The following ADGRG6 variants were observed in gnomAD, a reference collection of about 807,000 sequenced individuals.
ADGRG6 encodes G-protein coupled receptor 126.
A neutral mutation model predicts 142.4 loss-of-function variants in ADGRG6; 84 were observed. The ratio of observed to expected loss-of-function variants is 0.59; its 90% CI spans 0.49 to 0.71. The LOEUF is 0.71. Ranked by LOEUF, ADGRG6 falls within the 30% of genes least tolerant of loss-of-function variation. The probability of loss-of-function intolerance (pLI) is 0.00; values close to 1 mark genes in which losing one functional copy is unlikely to be tolerated. For missense variants in ADGRG6, 1,367 were observed against 1,466.6 expected (o/e 0.93, Z 1.11); for synonymous variants, 521 against 520.5 (o/e 1.00, Z -0.01).
At chr6:142,318,212 A>ATATTATATATATT (rs1416615266) in intron 2 of ADGRG6, among the ~76,000 whole-genome samples, 1 of 34,980 alleles carries the variant, frequency 2.9e-5, no homozygotes, top group East Asian at 8.8e-4. Context: ...ATATATATTT[A>ATATTATATATATT]TATATTATAT....
At chr6:142,366,789 T>G (rs1341037853) in intron 2 of ADGRG6, among the ~76,000 whole-genome samples, 1 of 151,918 alleles carries the variant, frequency 6.6e-6, no homozygotes, top group African/African-American at 2.4e-5. Context: ...TAGAGAGATT[T>G]TGTCTTTGCT....
intron 3 of ADGRG6, 60 bp downstream of exon 3, chr6:142,367,970 C>T (rs1781035872): frequency 1.1e-6 from 1 of 898,216 alleles, no homozygotes; most frequent in Non-Finnish European, 1.8e-6. Flanking sequence ...CTGCAGTAAA[C>T]ACAAGGACCA....
intron 1 of ADGRG6, among the ~76,000 whole-genome samples, chr6:142,306,290 A>G (rs910912454): frequency 1.3e-5 from 2 of 152,230 alleles, no homozygotes; most frequent in Non-Finnish European, 2.9e-5. Context: ...AATGCCTACA[A>G]GGAATCATAT....
intron 22 of ADGRG6, among the ~76,000 whole-genome samples, chr6:142,430,330 G>A (rs1200199187): frequency 6.6e-6 from 1 of 152,138 alleles, no homozygotes; most frequent in Non-Finnish European, 1.5e-5. Flanking sequence ...GAGGACCCAA[G>A]GTTGTCTGTT....
Position 142,403,753 on chromosome 6 carries a change from T to C in ADGRG6, c.1956-49T>C, listed in dbSNP as rs777973890. 4.3e-6 allele frequency: 5 copies of C among 1,165,604 alleles called. No individual in the cohort carries two copies. In the South Asian group the frequency reaches 7.5e-5, roughly 17 times the overall value. 72.2% of individuals were successfully genotyped at this position (1,165,604 alleles called of 1,614,324 possible). A position where few individuals can be genotyped will look rare whatever the true frequency, so the allele number is the denominator to read the frequency against. On this transcript the variant is annotated intron_variant, in intron 13 of 24. Coordinates refer to ENST00000367609, the MANE Select transcript of ADGRG6 (RefSeq NM_198569.3). ...GCAGCAAAACATGTATGTTTAAGAATCTAAAATATCATATTACTTAATAGT... is the reference window on the plus strand; with the variant it reads ...GCAGCAAAACATGTATGTTTAAGAACCTAAAATATCATATTACTTAATAGT...
Position 142,402,211 on chromosome 6 carries a change from T to C in ADGRG6, c.1744+153T>C, listed in dbSNP as rs1167318762. ...TGTTTCACTTAAGACAGAAAATACT[T>C]TTTACTCTCATTTTAACTTTCTGTT... is the stretch of plus-strand genomic sequence containing the variant. On this transcript the variant is annotated intron_variant, in intron 12 of 24. Transcript: ENST00000367609. Among the ~76,000 whole-genome samples the C allele has an allele frequency of 2.0e-5, 3 of 152,132 alleles. No individual in the cohort carries two copies. The East Asian group carries it at 5.8e-4, about 29-fold the overall frequency.
At chr6:142,430,252 C>T (rs1318210414) in intron 22 of ADGRG6, among the ~76,000 whole-genome samples, 1 of 152,044 alleles carries the variant, frequency 6.6e-6, no homozygotes, top group Non-Finnish European at 1.5e-5. Flanking sequence ...GAATATTTAT[C>T]CAGTTTATTG....
At chr6:142,362,051 T>C (rs988747406) in intron 2 of ADGRG6, among the ~76,000 whole-genome samples, 7 of 152,302 alleles carry the variant, frequency 4.6e-5, no homozygotes, top group Middle Eastern at 3.4e-3. Context: ...CTTGCCAACA[T>C]GATTATGGAA....
intron 24 of ADGRG6, among the ~76,000 whole-genome samples, chr6:142,439,897 T>G (rs1704974668): frequency 6.6e-6 from 1 of 152,220 alleles, no homozygotes; most frequent in South Asian, 2.1e-4. Context: ...ACAAAATATT[T>G]TTGCTTATAA....
chr6:142,366,375 A>T (rs1303735642), intron 2 of ADGRG6, among the ~76,000 whole-genome samples: 1 of 152,058 alleles, frequency 6.6e-6, no homozygotes, highest in Admixed American at 6.6e-5. Context: ...ATGGGTCTTA[A>T]TTTTTCCATT....
chr6:142,323,744 A>T (rs9403379), intron 2 of ADGRG6, among the ~76,000 whole-genome samples: 10,944 of 152,138 alleles, frequency 0.072, 565 homozygotes, highest in East Asian at 0.25. Context: ...GAATTGTAAC[A>T]TAATGGTAAG....
At chr6:142,314,188 G>A (rs927263112) in intron 2 of ADGRG6, among the ~76,000 whole-genome samples, 2 of 152,090 alleles carry the variant, frequency 1.3e-5, no homozygotes, top group East Asian at 1.9e-4. Flanking sequence ...GCCTGAATTC[G>A]ATGTTGTTCA....
intron 2 of ADGRG6, among the ~76,000 whole-genome samples, chr6:142,322,325 G>A (rs1778557602): frequency 6.6e-6 from 1 of 151,930 alleles, no homozygotes; most frequent in African/African-American, 2.4e-5. Flanking sequence ...CCTTGAGCTG[G>A]GACAGTTGAG....
chr6:142,316,325 G>T (rs1022223490), intron 2 of ADGRG6, among the ~76,000 whole-genome samples: 13 of 152,126 alleles, frequency 8.5e-5, no homozygotes, highest in Non-Finnish European at 1.3e-4. Context: ...AAGATGGATT[G>T]TGTCAACCAT....
At chr6:142,357,603 T>C (rs937625778) in intron 2 of ADGRG6, among the ~76,000 whole-genome samples, 12 of 152,188 alleles carry the variant, frequency 7.9e-5, no homozygotes, top group Non-Finnish European at 1.3e-4. Context: ...AATGAGTTTT[T>C]TTTATGCCCT....
intron 7 of ADGRG6, among the ~76,000 whole-genome samples, chr6:142,391,805 G>A (rs979886461): frequency 6.6e-6 from 1 of 151,722 alleles, no homozygotes. Context: ...TAAAGTTAGA[G>A]TGATTTCAGA....
chr6:142,378,982 T>G (rs1168118912), intron 4 of ADGRG6, among the ~76,000 whole-genome samples: 1 of 152,226 alleles, frequency 6.6e-6, no homozygotes, highest in African/African-American at 2.4e-5. Flanking sequence ...CCATCCTGTT[T>G]CCTTCTCAAA....
In ADGRG6 at chr6:142,444,346, G is replaced by A. The variant is rs2115233568; in HGVS notation, c.*831G>A. The A allele has an allele frequency of 6.6e-6, 1 of 152,254 alleles. No homozygotes were observed. The highest frequency in any genetic ancestry group is 1.5e-5 in the Non-Finnish European group (1 of 68,014). 9.4% of individuals were successfully genotyped at this position (152,254 alleles called of 1,614,324 possible). A position where few individuals can be genotyped will look rare whatever the true frequency, so the allele number is the denominator to read the frequency against. Reference sequence around the variant, plus strand: ...CCCTCTACTGTATATTAAGCCCATAGGCTTGTGGGAGGAAGGAGAATTTCC... The same window carrying A: ...CCCTCTACTGTATATTAAGCCCATAAGCTTGTGGGAGGAAGGAGAATTTCC... On this transcript the variant is annotated 3_prime_UTR_variant, in exon 25 of 25. Transcript: ENST00000367609.
At chr6:142,348,243 A>G (rs1056071853) in intron 2 of ADGRG6, among the ~76,000 whole-genome samples, 13 of 152,160 alleles carry the variant, frequency 8.5e-5, no homozygotes, top group Non-Finnish European at 1.6e-4. Context: ...CTAAAATGGT[A>G]TTTGTTAATC....
Sources: gnomAD v4.1 joint callset for allele counts (sites outside exome capture counted in the v4.1 genomes callset) on GRCh38, gnomAD v4.1.1 for gene constraint, MANE v1.5 for transcripts, NCBI Gene and HGNC (gene_info 2026-07-23, HGNC 2026-07-21) for gene names.